RALGAPA2: variants seen among roughly 807,000 people sequenced by gnomAD.
The protein encoded by RALGAPA2 is Ral GTPase activating protein catalytic subunit alpha 2, also known as ral GTPase-activating protein subunit alpha-2.
Under a neutral mutation model 230.4 loss-of-function variants are expected in RALGAPA2, and 139 were observed. The observed-to-expected ratio is 0.60, with a 90% CI of 0.53 to 0.69. The LOEUF is 0.69. Among genes scored for constraint, RALGAPA2 ranks in the 30% least tolerant of loss-of-function variants. The pLI is 0.00. For synonymous variants in RALGAPA2, 847 were observed against 837.8 expected, an observed-to-expected ratio of 1.01 and a Z score of -0.19; for missense variants, 2,163 against 2,276.0, an observed-to-expected ratio of 0.95 and a Z score of 1.01.
At chr20:20,506,134 C>G (rs751658890) in intron 33 of RALGAPA2, among the ~76,000 whole-genome samples, 6 of 152,046 alleles carry the variant, frequency 3.9e-5, no homozygotes, top group Non-Finnish European at 5.9e-5. Context: ...TCTGACTATT[C>G]TGAGGGTGCC....
intron 37 of RALGAPA2, among the ~76,000 whole-genome samples, chr20:20,464,295 C>G (rs975844730): frequency 6.6e-6 from 1 of 152,206 alleles, no homozygotes; most frequent in African/African-American, 2.4e-5. Flanking sequence ...AAGGCCCGCC[C>G]GCTCCCAGTC....
intron 36 of RALGAPA2, among the ~76,000 whole-genome samples, chr20:20,481,471 T>C (rs2061774228): frequency 6.6e-6 from 1 of 152,238 alleles, no homozygotes. Context: ...GTGCGTGGCT[T>C]AACTTACCCA....
intron 18 of RALGAPA2, among the ~76,000 whole-genome samples, chr20:20,585,941 T>C (rs1455442026): frequency 6.6e-6 from 1 of 152,056 alleles, no homozygotes; most frequent in Admixed American, 6.6e-5. Context: ...AAAGAATAAT[T>C]ATTAAGCTAA....
chr20:20,636,573 T>C (rs2146476057), intron 8 of RALGAPA2, among the ~76,000 whole-genome samples: 1 of 152,218 alleles, frequency 6.6e-6, no homozygotes, highest in East Asian at 1.9e-4. Context: ...TGTGTGTGTG[T>C]GTGTGTGTGT....
chr20:20,579,934 CTA>C (rs1296137294), intron 20 of RALGAPA2, among the ~76,000 whole-genome samples: 1 of 152,136 alleles, frequency 6.6e-6, no homozygotes, highest in East Asian at 1.9e-4. Flanking sequence ...TTGTCTATCT[CTA>C]TGATTACAAC....
chr20:20,464,272 T>C (rs947741901), intron 37 of RALGAPA2, among the ~76,000 whole-genome samples: 3 of 152,240 alleles, frequency 2.0e-5, no homozygotes, highest in African/African-American at 7.2e-5. Context: ...TGTCAGTATT[T>C]GCATGCTCAG....
chr20:20,396,022 C>T (rs1448016998), intron 39 of RALGAPA2, among the ~76,000 whole-genome samples: 1 of 152,246 alleles, frequency 6.6e-6, no homozygotes, highest in Non-Finnish European at 1.5e-5. Flanking sequence ...ACAGGGTTTT[C>T]AGACAGCCTT....
chr20:20,465,197 A>ACACT (rs772089136), intron 37 of RALGAPA2, among the ~76,000 whole-genome samples: 70 of 147,434 alleles, frequency 4.7e-4, no homozygotes, highest in South Asian at 1.3e-3. Context: ...ACACACACAC[A>ACACT]CTCTCTCATA....
At chr20:20,533,715 A>T (rs1000845828) in intron 26 of RALGAPA2, among the ~76,000 whole-genome samples, 5 of 152,208 alleles carry the variant, frequency 3.3e-5, no homozygotes, top group Admixed American at 2.0e-4. Context: ...TGGGATACTG[A>T]CAAAAACTGA....
chr20:20,513,174 GC>G lies in RALGAPA2; in HGVS notation c.4194del (p.His1399ThrfsTer50). ...TCATGGTTCTCGCTGACAAGGCTGT[GC>G]AGTATGGCAGGGCCCCCACTGAGGG... ...HYPLSGGPAI[L>X]HSLVSENHDN... On this transcript the variant is annotated frameshift_variant, in exon 32 of 40. Transcript: ENST00000202677. LOFTEE classifies it high-confidence loss of function. 6.5e-7 allele frequency: 1 copy of G among 1,538,924 alleles called. No individual in the cohort carries two copies. Among genetic ancestry groups the G allele is most frequent in the South Asian group, 1.3e-5 (1 of 76,794 alleles).
chr20:20,470,006 C>T (rs1208065500), intron 37 of RALGAPA2, among the ~76,000 whole-genome samples: 7 of 152,190 alleles, frequency 4.6e-5, no homozygotes, highest in East Asian at 1.9e-4. Flanking sequence ...TGCGATGAAC[C>T]GTTCCTGAGG....
At chr20:20,504,524 C>T (rs1414762916) in intron 34 of RALGAPA2, among the ~76,000 whole-genome samples, 1 of 152,068 alleles carries the variant, frequency 6.6e-6, no homozygotes, top group African/African-American at 2.4e-5. Flanking sequence ...GAGATCAAGA[C>T]CATCGTGGCC....
intron 37 of RALGAPA2, among the ~76,000 whole-genome samples, chr20:20,462,421 C>T (rs1344972395): frequency 1.3e-5 from 2 of 152,182 alleles, no homozygotes; most frequent in Non-Finnish European, 1.5e-5. Flanking sequence ...CTGATCATCA[C>T]GGAGGAGAAA....
chr20:20,542,634 A>T (rs561462067), intron 24 of RALGAPA2, among the ~76,000 whole-genome samples: 5 of 152,196 alleles, frequency 3.3e-5, no homozygotes, highest in Non-Finnish European at 7.3e-5. Context: ...ATCTTTGACA[A>T]ATCTGACAAA....
rs1272192193 is a variant in RALGAPA2, at chr20:20,620,470, C to T, written c.1394G>A (p.Ser465Asn). 8 of 1,613,206 alleles carry T rather than the reference C, an allele frequency of 5.0e-6. No homozygotes were observed. The East Asian group carries it at 1.6e-4, about 31-fold the overall frequency. The change falls in exon 11 of 40, where the codon AGC becomes AAC. Residue 465 changes from serine (S) to asparagine (N), a missense_variant. Coordinates refer to ENST00000202677, the MANE Select transcript of RALGAPA2 (RefSeq NM_020343.4). ...AEKLGFSETD[S>N]KEASSESSGH... ...ACAAGTGAAAAAAATTACCTCCTTG[C>T]TATCAGTCTCGGAAAATCCTAATTT... is the stretch of plus-strand genomic sequence containing the variant.
chr20:20,611,506 T>C, intron 13 of RALGAPA2, 80 bp from the exon 14 acceptor site: 2 of 1,513,980 alleles, frequency 1.3e-6, no homozygotes, highest in Non-Finnish European at 1.8e-6. Flanking sequence ...GAAATTCTCT[T>C]AAGAATTCAG....
intron 37 of RALGAPA2, chr20:20,470,835 C>T (rs1332484295): frequency 6.6e-6 from 1 of 151,900 alleles, no homozygotes; most frequent in African/African-American, 2.4e-5. Flanking sequence ...GAATATTAGC[C>T]CTTCTGCAGA....
At chr20:20,483,902 G>A (rs754301170) in intron 36 of RALGAPA2, among the ~76,000 whole-genome samples, 10 of 152,264 alleles carry the variant, frequency 6.6e-5, no homozygotes, top group East Asian at 1.9e-4. Flanking sequence ...AGAGCTATAC[G>A]GACCTTGAGC....
At chr20:20,710,070 C>A (rs1455272100) in intron 1 of RALGAPA2, among the ~76,000 whole-genome samples, 1 of 152,164 alleles carries the variant, frequency 6.6e-6, no homozygotes, top group Non-Finnish European at 1.5e-5. Flanking sequence ...GGTTCAGAGA[C>A]AGGCTACGTA....
Sources: allele counts gnomAD v4.1 joint callset (sites outside exome capture counted in the v4.1 genomes callset), GRCh38; gene constraint gnomAD v4.1.1; transcripts MANE v1.5; gene names NCBI Gene and HGNC (gene_info 2026-07-23, HGNC 2026-07-21).